Variants in CYREN observed in about 807,000 individuals in gnomAD.
CYREN encodes cell cycle regulator of NHEJ, also known as cell cycle regulator of non-homologous end joining.
In CYREN, 7 loss-of-function variants were observed where a neutral mutation model predicts 9.7. The ratio of observed to expected loss-of-function variants is 0.72; its 90% confidence interval spans 0.41 to 1.36. CYREN has a LOEUF of 1.36. CYREN is among the 40% of genes most tolerant of loss of function. The probability of loss-of-function intolerance (pLI) is 0.01; values close to 1 mark genes in which losing one functional copy is unlikely to be tolerated. For synonymous variants in CYREN, 76 were observed against 77.9 expected (o/e 0.98, Z 0.13); for missense variants, 215 against 198.1 (o/e 1.09, Z -0.51).
downstream of CYREN, chr7:135,165,019 G>C (rs749390569): frequency 9.7e-6 from 15 of 1,549,980 alleles, no homozygotes; most frequent in African/African-American, 1.6e-4. Context: ...TGATTGCAAG[G>C]GTTCAGTTCC....
At chr7:135,104,684 A>T (rs550503555) in intron 2 of CYREN, among the ~76,000 whole-genome samples, 34 of 151,832 alleles carry the variant, frequency 2.2e-4, no homozygotes, top group Admixed American at 7.2e-4. Flanking sequence ...GATCAGTGAT[A>T]TTGAGCTTTA....
intron 2 of CYREN, among the ~76,000 whole-genome samples, chr7:135,146,451 A>G (rs889243780): frequency 2.6e-5 from 4 of 152,208 alleles, no homozygotes; most frequent in Non-Finnish European, 4.4e-5. Context: ...CTATTGAAAA[A>G]ATGGTGCCAA....
rs780033105 is a variant in CYREN, at chr7:135,166,634, C to T, written c.451G>A (p.Val151Ile). 17 of 1,600,608 alleles carry T rather than the reference C, an allele frequency of 1.1e-5. No individual in the cohort carries two copies. Among genetic ancestry groups the T allele is most frequent in the Admixed American group, 1.7e-5 (1 of 59,944 alleles). Residue 151 changes from valine to isoleucine, a missense_variant, in exon 4 of 4, where the codon GTC becomes ATC. By Grantham distance (29) the Val-to-Ile change is conservative. Coordinates refer to ENST00000393114, the MANE Select transcript of CYREN (RefSeq NM_024033.4). ...EEEEEDVLKY[V>I]REIFFS The stretch of plus-strand genomic sequence containing the variant: ...CCCTAGCTGAAAAAGATCTCCCGGA[C>T]GTATTTCAGCACATCCTCTTCCTCC...
chr7:135,125,136 A>G (rs1244871577), intron 2 of CYREN, among the ~76,000 whole-genome samples: 1 of 152,038 alleles, frequency 6.6e-6, no homozygotes, highest in Non-Finnish European at 1.5e-5. Context: ...AAAATTAACA[A>G]AATAGACCAC....
chr7:135,144,596 C>T lies in CYREN; in HGVS notation n.356+24153G>A, dbSNP rs7791732. On this transcript the variant is annotated intron_variant and non_coding_transcript_variant, in intron 2 of 2. Transcript: ENST00000459937. ...AGAAATAACCCTCTTGGAGTAAAAA[C>T]AAAAAAAAGAAAAAGGGAAGATAAA... Among the ~76,000 whole-genome samples, 617 of 150,166 alleles carry T rather than the reference C, an allele frequency of 4.1e-3. 6 individuals are homozygous for T. Among genetic ancestry groups the T allele is most frequent in the African/African-American group, 0.014 (590 of 40,966 alleles).
rs142335022 is a variant in CYREN at position 135,120,763 on chromosome 7, A to G, written n.357-26181T>C. ...AGGATGGAAGAAGATACATCATGCA[A>G]ACATTAATAGATGAAAGCAGAAGTG... is the stretch of plus-strand genomic sequence containing the variant. On this transcript the variant is annotated intron_variant and non_coding_transcript_variant, in intron 2 of 2. Transcript: ENST00000459937. Among the ~76,000 whole-genome samples, 3 of 152,364 alleles carry G rather than the reference A, an allele frequency of 2.0e-5. No homozygotes were observed. In the East Asian group the frequency reaches 5.8e-4, roughly 29 times the overall value.
At chr7:135,122,545 G>A (rs1827281611) in intron 2 of CYREN, among the ~76,000 whole-genome samples, 2 of 152,126 alleles carry the variant, frequency 1.3e-5, no homozygotes, top group Non-Finnish European at 2.9e-5. Context: ...AAAGTGCTTC[G>A]TTAAATGGGT....
chr7:135,127,030 T>C (rs1258386448), intron 2 of CYREN, among the ~76,000 whole-genome samples: 2 of 152,044 alleles, frequency 1.3e-5, no homozygotes, highest in African/African-American at 2.4e-5. Context: ...GATCTAATTA[T>C]ACTAAAGAGC....
At chr7:135,096,596 G>GATAGATAC (rs1822830863) in intron 2 of CYREN, among the ~76,000 whole-genome samples, 12 of 134,378 alleles carry the variant, frequency 8.9e-5, no homozygotes, top group Non-Finnish European at 1.5e-4. Flanking sequence ...TAGATAGATA[G>GATAGATAC]ATAGATAGAT....
intron 1 of CYREN, among the ~76,000 whole-genome samples, chr7:135,169,966 T>C (rs1830529059): frequency 1.3e-5 from 2 of 152,226 alleles, no homozygotes; most frequent in Non-Finnish European, 2.9e-5. Context: ...TGCACCTTCA[T>C]TTCTGTCAAA....
chr7:135,137,137 G>T (rs7791616), intron 2 of CYREN, among the ~76,000 whole-genome samples: 73,641 of 151,666 alleles, frequency 0.49, 18,229 homozygotes, highest in South Asian at 0.66. Flanking sequence ...CAACTACGAT[G>T]AATATGCTGA....
intron 2 of CYREN, among the ~76,000 whole-genome samples, chr7:135,133,160 T>C (rs1829031443): frequency 6.6e-6 from 1 of 152,158 alleles, no homozygotes. Flanking sequence ...ACAAAATTAA[T>C]TGCTCTTCTA....
At chr7:135,141,423 G>A (rs1213984831) in intron 2 of CYREN, among the ~76,000 whole-genome samples, 2 of 151,938 alleles carry the variant, frequency 1.3e-5, no homozygotes, top group East Asian at 1.9e-4. Context: ...ATTTCTGATT[G>A]TGTTTATTTG....
At chr7:135,145,721 G>C (rs922024202) in intron 2 of CYREN, among the ~76,000 whole-genome samples, 1 of 152,120 alleles carries the variant, frequency 6.6e-6, no homozygotes. Context: ...TTTCTACATG[G>C]CTCAGCTGCT....
At chr7:135,150,486 C>T (rs1016913234) in intron 2 of CYREN, among the ~76,000 whole-genome samples, 1 of 152,206 alleles carries the variant, frequency 6.6e-6, no homozygotes, top group African/African-American at 2.4e-5. Context: ...GCCTCTGATT[C>T]AGGGAGTCAT....
chr7:135,102,216 C>T (rs1431827231), intron 2 of CYREN, among the ~76,000 whole-genome samples: 3 of 152,158 alleles, frequency 2.0e-5, no homozygotes, highest in Non-Finnish European at 4.4e-5. Flanking sequence ...TCTGTGATTA[C>T]TTAAATATTA....
At chr7:135,140,364 G>A (rs1829430496) in intron 2 of CYREN, among the ~76,000 whole-genome samples, 1 of 151,760 alleles carries the variant, frequency 6.6e-6, no homozygotes, top group Admixed American at 6.6e-5. Flanking sequence ...TTCTCAGCTT[G>A]GACATTATTG....
intron 2 of CYREN, among the ~76,000 whole-genome samples, chr7:135,158,291 T>C (rs532789779): frequency 6.6e-6 from 1 of 152,336 alleles, no homozygotes; most frequent in South Asian, 2.1e-4. Flanking sequence ...TAGATGTGCA[T>C]AGGACAGCCT....
At chr7:135,153,913 G>A (rs567476353) in intron 2 of CYREN, among the ~76,000 whole-genome samples, 2 of 152,248 alleles carry the variant, frequency 1.3e-5, no homozygotes, top group Non-Finnish European at 2.9e-5. Flanking sequence ...AGGATTATTG[G>A]TATTAGTTTT....
Sources: allele counts gnomAD v4.1 joint callset (sites outside exome capture counted in the v4.1 genomes callset), GRCh38; gene constraint gnomAD v4.1.1; transcripts MANE v1.5; gene names NCBI Gene and HGNC (gene_info 2026-07-23, HGNC 2026-07-21).